SCAI: variants seen among roughly 807,000 people sequenced by gnomAD.
SCAI encodes protein SCAI.
Under a neutral mutation model 92.2 loss-of-function variants are expected in SCAI, and 24 were observed. That is an observed-to-expected ratio of 0.26 (90% CI 0.19 to 0.37). The LOEUF (loss-of-function observed/expected upper bound fraction) is 0.37, where lower values mean the gene tolerates loss of function less well. Among genes scored for constraint, SCAI ranks in the 10% least tolerant of loss-of-function variants. SCAI has a pLI of 1.00. For synonymous variants in SCAI, 261 were observed against 258.6 expected, an observed-to-expected ratio of 1.01 and a Z score of -0.09; for missense variants, 450 against 736.2, an observed-to-expected ratio of 0.61 and a Z score of 4.50.
chr9:125,045,793 GA>G (rs892183851), intron 3 of SCAI, among the ~76,000 whole-genome samples: 3 of 149,556 alleles, frequency 2.0e-5, no homozygotes, highest in African/African-American at 7.5e-5. Context: ...CTCATCTGTA[GA>G]ACCAAAATAA....
chr9:124,970,866 G>A (rs113407279), intron 17 of SCAI, among the ~76,000 whole-genome samples: 1 of 151,976 alleles, frequency 6.6e-6, no homozygotes, highest in African/African-American at 2.4e-5. Flanking sequence ...CCAGGCTGGA[G>A]TGCAGTGATG....
chr9:125,027,138 A>T (rs1832980110), intron 5 of SCAI, among the ~76,000 whole-genome samples: 1 of 152,038 alleles, frequency 6.6e-6, no homozygotes. Context: ...GCCTTTTTTG[A>T]TGCCAACCCA....
intron 2 of SCAI, among the ~76,000 whole-genome samples, chr9:125,138,230 G>A (rs1835581290): frequency 6.6e-6 from 1 of 151,642 alleles, no homozygotes; most frequent in African/African-American, 2.4e-5. Flanking sequence ...ACAACCTTGG[G>A]GAAGTCGAAC....
At chr9:125,016,538 G>T (rs1057098478) in intron 9 of SCAI, among the ~76,000 whole-genome samples, 2 of 151,826 alleles carry the variant, frequency 1.3e-5, no homozygotes, top group African/African-American at 2.4e-5. Context: ...ACAATATATC[G>T]AGGCCTATTA....
At chr9:125,002,546 G>T (rs571572476) in intron 11 of SCAI, among the ~76,000 whole-genome samples, 2 of 146,790 alleles carry the variant, frequency 1.4e-5, no homozygotes, top group East Asian at 2.0e-4. Flanking sequence ...GCAATGGCGC[G>T]ATCTCGGCTC....
At chr9:125,139,504 G>A (rs145560015) in intron 2 of SCAI, among the ~76,000 whole-genome samples, 9 of 152,268 alleles carry the variant, frequency 5.9e-5, no homozygotes, top group Middle Eastern at 3.4e-3. Context: ...AATGGAGCAC[G>A]GAGTTACATT....
chr9:125,122,803 G>A (rs1391060753), intron 2 of SCAI, among the ~76,000 whole-genome samples: 1 of 152,128 alleles, frequency 6.6e-6, no homozygotes, highest in African/African-American at 2.4e-5. Context: ...CTACTTCAGA[G>A]GCTAGGGTGG....
At chr9:125,115,993 G>A (rs138618379) in intron 2 of SCAI, among the ~76,000 whole-genome samples, 14 of 152,202 alleles carry the variant, frequency 9.2e-5, no homozygotes, top group Non-Finnish European at 1.5e-4. Context: ...TCAGGAGTTC[G>A]AGACCAGCCT....
rs1056938780 is a variant in SCAI, at chr9:124,959,363, G to C, written c.1675-6410C>G. On this transcript the variant is annotated intron_variant, in intron 17 of 17. Coordinates refer to ENST00000336505, the MANE Select transcript of SCAI (RefSeq NM_001144877.3). ...TCCATCAGAATGGTCAGATTTAAAAGTCTGACAACAATGTTGGCAAGAATG... is the reference window on the plus strand; with the variant it reads ...TCCATCAGAATGGTCAGATTTAAAACTCTGACAACAATGTTGGCAAGAATG... 2.7e-5 allele frequency among the ~76,000 whole-genome samples: 4 copies of C among 149,018 alleles called. No individual in the cohort carries two copies. In the South Asian group the frequency reaches 8.4e-4, roughly 31 times the overall value.
intron 2 of SCAI, among the ~76,000 whole-genome samples, chr9:125,126,720 CAAGG>C (rs1341405455): frequency 6.6e-6 from 1 of 152,172 alleles, no homozygotes; most frequent in Non-Finnish European, 1.5e-5. Context: ...AGCCCACACT[CAAGG>C]GAGGAGAATT....
chr9:125,065,862 C>T (rs1341447859), intron 2 of SCAI: 1 of 597,070 alleles, frequency 1.7e-6, no homozygotes, highest in African/African-American at 1.9e-5. Flanking sequence ...GCACAACTCA[C>T]ATTTGGTAAA....
At chr9:124,962,003 T>G (rs1831445726) in intron 17 of SCAI, among the ~76,000 whole-genome samples, 3 of 152,060 alleles carry the variant, frequency 2.0e-5, no homozygotes, top group African/African-American at 4.8e-5. Context: ...AAGCTGCTTC[T>G]CGTGTTAACA....
At chr9:124,968,959 A>AAG in intron 17 of SCAI, 1 of 411,154 alleles carries the variant, frequency 2.4e-6, no homozygotes, top group Non-Finnish European at 4.4e-6. Flanking sequence ...AAAAAAAAAA[A>AAG]GGCTGTGTCT....
Position 125,055,955 on chromosome 9 carries a change from T to C in SCAI, c.151A>G (p.Ile51Val). 6.2e-7 allele frequency: 1 copy of C among 1,611,548 alleles called. No individual in the cohort carries two copies. The highest frequency in any genetic ancestry group is 1.1e-5 in the South Asian group (1 of 91,000). ...IMSSGGAEDDIPQGERKTVTD... is the reference protein window; with the variant it reads ...IMSSGGAEDDVPQGERKTVTD... Reference sequence around the variant, plus strand: ...ACTGTTTTCCTCTCTCCCTGTGGGATATCATCTTCAGCACCTCCAGAGGAC... The same window carrying C: ...ACTGTTTTCCTCTCTCCCTGTGGGACATCATCTTCAGCACCTCCAGAGGAC... Residue 51 changes from isoleucine (I) to valine (V), a missense_variant, in exon 3 of 18, where the codon ATC (isoleucine) becomes GTC (valine). Physicochemically the swap from Ile to Val is conservative, Grantham distance 29. Transcript: ENST00000336505.
At chr9:125,103,782 T>C (rs1834724333) in intron 2 of SCAI, among the ~76,000 whole-genome samples, 1 of 152,196 alleles carries the variant, frequency 6.6e-6, no homozygotes, top group South Asian at 2.1e-4. Flanking sequence ...TATAGGATAA[T>C]TTAAGGTTAA....
intron 9 of SCAI, among the ~76,000 whole-genome samples, chr9:125,010,413 G>A (rs758369303): frequency 5.9e-5 from 9 of 152,204 alleles, no homozygotes; most frequent in East Asian, 1.9e-4. Flanking sequence ...CTACACCCAC[G>A]GAGTCTCGCT....
chr9:124,997,946 T>C (rs776901575), intron 13 of SCAI, among the ~76,000 whole-genome samples: 8 of 152,016 alleles, frequency 5.3e-5, no homozygotes, highest in Admixed American at 1.3e-4. Context: ...TATTTGCTTT[T>C]GTATTTTTTG....
intron 2 of SCAI, among the ~76,000 whole-genome samples, chr9:125,105,689 G>A (rs988817312): frequency 1.3e-5 from 2 of 152,090 alleles, no homozygotes; most frequent in Non-Finnish European, 2.9e-5. Context: ...GTATTTCCAC[G>A]TTTGGCATAG....
chr9:124,987,002 G>C (rs1241394237), intron 14 of SCAI, among the ~76,000 whole-genome samples: 1 of 151,998 alleles, frequency 6.6e-6, no homozygotes, highest in African/African-American at 2.4e-5. Context: ...TCTTCCAGGG[G>C]AAAAAAGAAA....
Sources: allele counts gnomAD v4.1 joint callset (sites outside exome capture counted in the v4.1 genomes callset), GRCh38; gene constraint gnomAD v4.1.1; transcripts MANE v1.5; gene names NCBI Gene and HGNC (gene_info 2026-07-23, HGNC 2026-07-21).